CBLN2: variants seen among roughly 807,000 people sequenced by gnomAD.
CBLN2 encodes cerebellin-2.
Under a neutral mutation model 15.0 loss-of-function variants are expected in CBLN2, and 7 were observed. That is an observed-to-expected ratio of 0.47 (90% CI 0.27 to 0.88). The LOEUF (loss-of-function observed/expected upper bound fraction) is 0.88, where lower values mean the gene tolerates loss of function less well. Ranked by LOEUF, CBLN2 falls within the 40% of genes least tolerant of loss-of-function variation. The pLI, the probability that CBLN2 is intolerant of heterozygous loss-of-function variation, is 0.14. For synonymous variants in CBLN2, 149 were observed against 135.2 expected (o/e 1.10, Z -0.71); for missense variants, 242 against 304.5 (o/e 0.79, Z 1.53).
intron 3 of CBLN2, among the ~76,000 whole-genome samples, chr18:72,540,938 C>T (rs2069104355): frequency 6.6e-6 from 1 of 152,146 alleles, no homozygotes; most frequent in Admixed American, 6.5e-5. Flanking sequence ...GCTTGGAAAC[C>T]TCTATAATGT....
chr18:72,540,483 C>T (rs1409357473), intron 3 of CBLN2, among the ~76,000 whole-genome samples: 5 of 152,076 alleles, frequency 3.3e-5, no homozygotes. Context: ...TATAAAAATG[C>T]TATGAAAACT....
At chr18:72,570,968 T>C (rs192691279) in intron 1 of CBLN2, among the ~76,000 whole-genome samples, 41 of 152,292 alleles carry the variant, frequency 2.7e-4, no homozygotes, top group Non-Finnish European at 2.9e-5. Context: ...GGATTGACTC[T>C]GTGTCTGTAT....
intron 1 of CBLN2, among the ~76,000 whole-genome samples, chr18:72,621,391 A>T (rs1425300864): frequency 1.3e-5 from 2 of 152,218 alleles, no homozygotes; most frequent in Non-Finnish European, 2.9e-5. Context: ...TATATTATGT[A>T]TCAAGATTAG....
At position 72,561,589 on chromosome 18, in the gene CBLN2, T is replaced by G. The variant is rs72634435; in HGVS notation, c.16-22817A>C. Among the ~76,000 whole-genome samples, 7,040 of 152,276 alleles carry G rather than the reference T, an allele frequency of 0.046. 810 individuals carry two copies. The East Asian group carries it at 0.51, about 11-fold the overall frequency. ...ATCTATTAACAGTGCATACATTATT[T>G]ATTAACTTGCACCAGGAGTAATTTT... On this transcript the variant is annotated intron_variant, in intron 1 of 2. Coordinates refer to the CBLN2 transcript ENST00000581073.
In CBLN2 at chr18:72,537,833, GGAC is replaced by G; in HGVS notation, c.*340_*342del. On this transcript the variant is annotated 3_prime_UTR_variant, in exon 5 of 5. Transcript: ENST00000269503. Reference sequence around the variant, plus strand: ...GGAGTCAGGAGCTCTCCTTCCGTTGGGACGACAATACAACATACAAACAAAAGA... The same window carrying G: ...GGAGTCAGGAGCTCTCCTTCCGTTGGGACAATACAACATACAAACAAAAGA... 6.2e-6 allele frequency: 2 copies of G among 323,700 alleles called. No homozygotes were observed. The highest frequency in any genetic ancestry group is 6.3e-5 in the South Asian group (2 of 32,000). The allele number at this position is 323,700 out of a possible 1,614,324, so 20.1% of individuals were successfully genotyped here.
intron 1 of CBLN2, among the ~76,000 whole-genome samples, chr18:72,605,813 C>G (rs574011079): frequency 3.6e-4 from 55 of 152,212 alleles, no homozygotes; most frequent in Non-Finnish European, 4.7e-4. Flanking sequence ...CACGGCCCAG[C>G]CTTCCTTCTT....
At chr18:72,584,615 T>C (rs1179014607) in intron 1 of CBLN2, among the ~76,000 whole-genome samples, 2 of 152,216 alleles carry the variant, frequency 1.3e-5, no homozygotes, top group African/African-American at 2.4e-5. Flanking sequence ...AATCTTATTG[T>C]TTATGTATAT....
intron 1 of CBLN2, among the ~76,000 whole-genome samples, chr18:72,568,766 A>C (rs2069312463): frequency 6.6e-6 from 1 of 152,152 alleles, no homozygotes; most frequent in Admixed American, 6.5e-5. Flanking sequence ...CATGGCTTGA[A>C]ATCAGCCATG....
intron 1 of CBLN2, among the ~76,000 whole-genome samples, chr18:72,560,901 T>C (rs994855495): frequency 1.3e-5 from 2 of 151,906 alleles, no homozygotes; most frequent in Non-Finnish European, 2.9e-5. Context: ...CCCAGCTACT[T>C]GGGAGGCTGA....
intron 1 of CBLN2, among the ~76,000 whole-genome samples, chr18:72,635,302 A>G (rs4892019): frequency 0.2 from 30,849 of 152,032 alleles, 3,698 homozygotes; most frequent in East Asian, 0.51. Flanking sequence ...CATCTGAAAT[A>G]TTCTAATTGT....
intron 1 of CBLN2, among the ~76,000 whole-genome samples, chr18:72,569,402 T>C (rs1465745085): frequency 2.0e-5 from 3 of 152,216 alleles, no homozygotes; most frequent in Non-Finnish European, 4.4e-5. Context: ...AAAAGACAGC[T>C]AGATTTTTAC....
Position 72,565,898 on chromosome 18 carries a change from T to C in CBLN2, c.16-27126A>G, listed in dbSNP as rs77145188. On this transcript the variant is annotated intron_variant, in intron 1 of 2. Transcript: ENST00000581073. ...AAACAACCTATAGAATGGGAGAATATATTTACAAACTATACATCTTATAAG... is the reference window on the plus strand; with the variant it reads ...AAACAACCTATAGAATGGGAGAATACATTTACAAACTATACATCTTATAAG... Among the ~76,000 whole-genome samples the C allele has an allele frequency of 7.1e-3, 1,084 of 152,278 alleles. 93 individuals are homozygous for C. In the East Asian group the frequency reaches 0.17, roughly 24 times the overall value.
Position 72,542,243 on chromosome 18 carries a change from G to A in CBLN2, c.-83C>T. 1 of 933,132 alleles carries A rather than the reference G, an allele frequency of 1.1e-6. No homozygotes were observed. Among genetic ancestry groups the A allele is most frequent in the Non-Finnish European group, 1.4e-6 (1 of 738,410 alleles). 57.8% of individuals were successfully genotyped at this position (933,132 alleles called of 1,614,324 possible). A position where few individuals can be genotyped will look rare whatever the true frequency, so the allele number is the denominator to read the frequency against. ...GGAAGGGCGCGAAGGAACGCGCGGAGCTCGCAGCAGCCTCCGGGGGCCTTC... is the reference window on the plus strand; with the variant it reads ...GGAAGGGCGCGAAGGAACGCGCGGAACTCGCAGCAGCCTCCGGGGGCCTTC... On this transcript the variant is annotated 5_prime_UTR_variant, in exon 3 of 5. Coordinates refer to ENST00000269503, the MANE Select transcript of CBLN2 (RefSeq NM_182511.4).
At chr18:72,591,461 A>G (rs1272866825) in intron 1 of CBLN2, among the ~76,000 whole-genome samples, 1 of 152,166 alleles carries the variant, frequency 6.6e-6, no homozygotes. Flanking sequence ...TAAATAAGGT[A>G]TCCATTACAT....
At chr18:72,549,555 C>T (rs995173304) in intron 1 of CBLN2, among the ~76,000 whole-genome samples, 1 of 152,182 alleles carries the variant, frequency 6.6e-6, no homozygotes, top group African/African-American at 2.4e-5. Context: ...TATGATTATA[C>T]AGCTGTTCTT....
intron 1 of CBLN2, among the ~76,000 whole-genome samples, chr18:72,608,088 T>C (rs1308346408): frequency 6.6e-6 from 1 of 152,176 alleles, no homozygotes; most frequent in Non-Finnish European, 1.5e-5. Context: ...TTCATATGAC[T>C]GCAAAAATAT....
intron 1 of CBLN2, chr18:72,619,076 T>G: frequency 4.0e-6 from 3 of 749,204 alleles, no homozygotes; most frequent in Non-Finnish European, 7.2e-6. Flanking sequence ...AGTCTTCAAA[T>G]TTTGGACCCA....
chr18:72,634,964 T>C (rs540192028), intron 1 of CBLN2, among the ~76,000 whole-genome samples: 4 of 152,262 alleles, frequency 2.6e-5, no homozygotes, highest in African/African-American at 9.6e-5. Context: ...ACCAAAGACA[T>C]GCTTCCTTCC....
intron 1 of CBLN2, among the ~76,000 whole-genome samples, chr18:72,549,845 C>G (rs1427670431): frequency 6.6e-6 from 1 of 152,106 alleles, no homozygotes; most frequent in African/African-American, 2.4e-5. Flanking sequence ...GATGGAGTTT[C>G]AGTTCATCTG....
Sources: gnomAD v4.1 joint callset for allele counts (sites outside exome capture counted in the v4.1 genomes callset) on GRCh38, gnomAD v4.1.1 for gene constraint, MANE v1.5 for transcripts, NCBI Gene and HGNC (gene_info 2026-07-23, HGNC 2026-07-21) for gene names.